Variants in ARB2A observed in about 807,000 individuals in gnomAD.
The protein encoded by ARB2A is cotranscriptional regulator ARB2A.
the ARB2A span, among the ~76,000 whole-genome samples, chr5:93,846,144 G>T: frequency 6.6e-6 from 1 of 151,966 alleles, no homozygotes; most frequent in African/African-American, 2.4e-5. Context: ...GACCTCTAAA[G>T]TTCTATCTTT....
At chr5:93,818,372 ATATTT>A in the ARB2A span, among the ~76,000 whole-genome samples, 1 of 152,194 alleles carries the variant, frequency 6.6e-6, no homozygotes, top group Admixed American at 6.5e-5. Flanking sequence ...TTTGAACTGT[ATATTT>A]TATTTAAAGG....
chr5:93,642,617 G>T, the ARB2A span, among the ~76,000 whole-genome samples: 2 of 152,046 alleles, frequency 1.3e-5, no homozygotes, highest in African/African-American at 2.4e-5. Context: ...CAAGTAATCT[G>T]CCCGCCTTGG....
the ARB2A span, among the ~76,000 whole-genome samples, chr5:94,003,556 A>G: frequency 6.6e-6 from 1 of 152,276 alleles, no homozygotes; most frequent in East Asian, 1.9e-4. Flanking sequence ...CATCAATTCT[A>G]TTTCCATATA....
the ARB2A span, among the ~76,000 whole-genome samples, chr5:93,840,125 G>T: frequency 6.6e-6 from 1 of 152,006 alleles, no homozygotes; most frequent in Non-Finnish European, 1.5e-5. Context: ...TTAACTTTTT[G>T]ATGTGGGTAT....
the ARB2A span, among the ~76,000 whole-genome samples, chr5:93,957,448 G>A: frequency 6.6e-6 from 1 of 152,182 alleles, no homozygotes; most frequent in South Asian, 2.1e-4. Flanking sequence ...ATGTGTCAGA[G>A]AGAAAGTTCA....
the ARB2A span, among the ~76,000 whole-genome samples, chr5:94,009,304 A>G: frequency 6.6e-6 from 1 of 152,088 alleles, no homozygotes; most frequent in Admixed American, 6.5e-5. Flanking sequence ...TAAAAAGAAC[A>G]GCCCCCACCT....
At chr5:93,844,683 A>T in the ARB2A span, among the ~76,000 whole-genome samples, 19 of 152,298 alleles carry the variant, frequency 1.2e-4, no homozygotes, top group Admixed American at 7.8e-4. Flanking sequence ...AGAAGAATAA[A>T]GAAAATGCTA....
At chr5:93,968,927 C>A in the ARB2A span, among the ~76,000 whole-genome samples, 1 of 151,522 alleles carries the variant, frequency 6.6e-6, no homozygotes, top group African/African-American at 2.4e-5. Flanking sequence ...ACCCCACCAA[C>A]CTAGAATTTT....
the ARB2A span, among the ~76,000 whole-genome samples, chr5:93,732,413 C>CA: frequency 6.6e-6 from 1 of 152,082 alleles, no homozygotes; most frequent in Non-Finnish European, 1.5e-5. Context: ...CATTCAGAAA[C>CA]ATGAAAATGA....
At chr5:93,777,711 G>A in the ARB2A span, among the ~76,000 whole-genome samples, 5 of 152,082 alleles carry the variant, frequency 3.3e-5, no homozygotes, top group Admixed American at 2.0e-4. Flanking sequence ...CATGGAATCC[G>A]TCCTCACTGT....
the ARB2A span, chr5:93,824,127 G>A: frequency 6.5e-7 from 1 of 1,548,356 alleles, no homozygotes; most frequent in Non-Finnish European, 8.7e-7. Context: ...TGGAACTACA[G>A]AGAGTAAAAT....
At chr5:94,061,515 T>A in the ARB2A span, among the ~76,000 whole-genome samples, 8 of 152,162 alleles carry the variant, frequency 5.3e-5, no homozygotes, top group Non-Finnish European at 1.0e-4. Context: ...ATTATCCAAT[T>A]TGCAAATGAC....
the ARB2A span, among the ~76,000 whole-genome samples, chr5:93,886,229 A>G: frequency 6.6e-6 from 1 of 151,700 alleles, no homozygotes; most frequent in Non-Finnish European, 1.5e-5. Context: ...CTAAATAAAA[A>G]ATCAGCTGAA....
chr5:93,724,421 T>C, the ARB2A span, among the ~76,000 whole-genome samples: 1 of 152,032 alleles, frequency 6.6e-6, no homozygotes, highest in Non-Finnish European at 1.5e-5. Flanking sequence ...AAGACACCAT[T>C]GATTATAAGA....
At chr5:93,815,785 T>C in the ARB2A span, among the ~76,000 whole-genome samples, 1 of 152,204 alleles carries the variant, frequency 6.6e-6, no homozygotes, top group South Asian at 2.1e-4. Flanking sequence ...TACTAGATTT[T>C]GTTTGCTCGG....
chr5:94,033,456 G>A, the ARB2A span, among the ~76,000 whole-genome samples: 6 of 151,958 alleles, frequency 3.9e-5, no homozygotes, highest in Admixed American at 6.6e-5. Flanking sequence ...ATGGAGTCTC[G>A]CTCTGTCACC....
the ARB2A span, among the ~76,000 whole-genome samples, chr5:93,713,378 A>G: frequency 1.3e-5 from 2 of 152,194 alleles, no homozygotes; most frequent in African/African-American, 4.8e-5. Flanking sequence ...TAATAATCCG[A>G]TTTAAAAATG....
the ARB2A span, among the ~76,000 whole-genome samples, chr5:94,054,120 G>A: frequency 6.6e-6 from 1 of 152,174 alleles, no homozygotes. Flanking sequence ...AGTACGAAGA[G>A]TGTGTTATAC....
At chr5:93,711,167 G>C in the ARB2A span, among the ~76,000 whole-genome samples, 1 of 151,422 alleles carries the variant, frequency 6.6e-6, no homozygotes, top group Admixed American at 6.6e-5. Context: ...AGGATCCTAG[G>C]GTAGCATTTT....
Sources: allele counts gnomAD v4.1 joint callset (sites outside exome capture counted in the v4.1 genomes callset), GRCh38; gene constraint gnomAD v4.1.1; transcripts MANE v1.5; gene names NCBI Gene and HGNC (gene_info 2026-07-23, HGNC 2026-07-21).